Variants in UACA observed in about 807,000 individuals in gnomAD.
UACA encodes the protein uveal autoantigen with coiled-coil domains and ankyrin repeats.
Under a neutral mutation model 160.5 loss-of-function variants are expected in UACA, and 112 were observed. That is an observed-to-expected ratio of 0.70 (90% CI 0.60 to 0.82). The LOEUF is 0.82. Among genes scored for constraint, UACA ranks in the 40% least tolerant of loss-of-function variants. The pLI is 0.00. For missense variants in UACA, 1,574 were observed against 1,614.6 expected, an observed-to-expected ratio of 0.97 and a Z score of 0.43; for synonymous variants, 557 against 568.4, an observed-to-expected ratio of 0.98 and a Z score of 0.29.
rs1896980572 is a variant in UACA, at chr15:70,667,800, T to A, written c.2884A>T (p.Thr962Ser). 1 of 1,614,026 alleles carries A rather than the reference T, an allele frequency of 6.2e-7. No homozygotes were observed. The highest frequency in any genetic ancestry group is 1.1e-5 in the South Asian group (1 of 91,076). ...TGGGCTTTAATTTCGGCATGCAGTG[T>A]CACAATCTCTTCTTGGCCTTTTCTG... ...NYRKGQEEIVTLHAEIKAQKK... is the reference protein window; with the variant it reads ...NYRKGQEEIVSLHAEIKAQKK... The change falls in exon 16 of 19, where the codon ACA becomes TCA. Residue 962 changes from threonine to serine, a missense_variant. Transcript: ENST00000322954.
At chr15:70,663,387 AG>A (rs1301959849) in intron 17 of UACA, among the ~76,000 whole-genome samples, 1 of 152,172 alleles carries the variant, frequency 6.6e-6, no homozygotes, top group Non-Finnish European at 1.5e-5. Flanking sequence ...GTGGAGAAAT[AG>A]GAACACTTTT....
At chr15:70,687,040 A>C (rs1477050801) in intron 7 of UACA, among the ~76,000 whole-genome samples, 1 of 152,206 alleles carries the variant, frequency 6.6e-6, no homozygotes, top group East Asian at 1.9e-4. Flanking sequence ...GGTTCAGAGT[A>C]GGAGATGGCA....
At chr15:70,700,243 C>T (rs1024512776) in intron 1 of UACA, among the ~76,000 whole-genome samples, 1 of 149,230 alleles carries the variant, frequency 6.7e-6, no homozygotes, top group South Asian at 2.1e-4. Context: ...ACTACCCCCC[C>T]CCAACACAGA....
intron 1 of UACA, among the ~76,000 whole-genome samples, chr15:70,724,980 T>C (rs1323569490): frequency 6.6e-6 from 1 of 151,698 alleles, no homozygotes; most frequent in Admixed American, 6.6e-5. Context: ...TAGTCCTAGC[T>C]ACACCAGAGG....
At position 70,669,426 on chromosome 15, in the gene UACA, T is replaced by C; in HGVS notation, c.1258A>G (p.Arg420Gly). The C allele has an allele frequency of 6.2e-7, 1 of 1,607,822 alleles. No individual in the cohort carries two copies. The highest frequency in any genetic ancestry group is 8.5e-7 in the Non-Finnish European group (1 of 1,178,098). The stretch of plus-strand genomic sequence containing the variant: ...AGTTCCAGAGGTCTTAACATAGATC[T>C]GCTTTGCATATGGGCTGGTATACCT... ...SPGIPAHMQSRSMLRPLELSL... is the reference protein window; with the variant it reads ...SPGIPAHMQSGSMLRPLELSL... Residue 420 changes from arginine (R) to glycine (G), a missense_variant, in exon 16 of 19, where the codon AGA (arginine) becomes GGA (glycine). Arg to Gly is a moderately radical substitution (Grantham distance 125, BLOSUM62 -2). Transcript: ENST00000322954.
At chr15:70,722,811 C>T (rs61026337) in intron 1 of UACA, among the ~76,000 whole-genome samples, 2,365 of 152,286 alleles carry the variant, frequency 0.016, 54 homozygotes, top group African/African-American at 0.052. Flanking sequence ...CTCAATCTTT[C>T]TGGCTCCCTC....
intron 1 of UACA, among the ~76,000 whole-genome samples, chr15:70,727,246 G>A (rs1899172962): frequency 1.3e-5 from 2 of 152,060 alleles, no homozygotes; most frequent in South Asian, 4.1e-4. Flanking sequence ...CTCTTCCCTG[G>A]CATATTTTGG....
At chr15:70,726,485 T>G (rs1165887322) in intron 1 of UACA, among the ~76,000 whole-genome samples, 1 of 152,210 alleles carries the variant, frequency 6.6e-6, no homozygotes, top group Non-Finnish European at 1.5e-5. Context: ...AAAATACAGA[T>G]CTTAAAAATA....
chr15:70,684,235 A>G lies in UACA; in HGVS notation c.784+30T>C, dbSNP rs764769554. The G allele has an allele frequency of 2.1e-5, 33 of 1,559,834 alleles. No homozygotes were observed. In the East Asian group the frequency reaches 7.4e-4, roughly 35 times the overall value. On this transcript the variant is annotated intron_variant, in intron 8 of 18. Transcript: ENST00000322954. ...AAAAAGTGGCTCTTTGTTAATGTGG[A>G]CTTTTCTAGTTACAGAAAACTGCTG...
intron 13 of UACA, among the ~76,000 whole-genome samples, chr15:70,672,873 T>C (rs1046863454): frequency 9.2e-5 from 14 of 151,990 alleles, no homozygotes; most frequent in African/African-American, 2.7e-4. Flanking sequence ...GGCAGGTGGA[T>C]TGCCTGAGGT....
At chr15:70,728,501 T>C (rs1899215945) in intron 1 of UACA, among the ~76,000 whole-genome samples, 1 of 147,728 alleles carries the variant, frequency 6.8e-6, no homozygotes, top group Non-Finnish European at 1.5e-5. Context: ...AGGCGGAGGT[T>C]GCGGTGAGCC....
chr15:70,698,806 C>T (rs1311829909), intron 2 of UACA, among the ~76,000 whole-genome samples: 1 of 151,924 alleles, frequency 6.6e-6, no homozygotes, highest in African/African-American at 2.4e-5. Flanking sequence ...TATAGAGGGT[C>T]ATAACAGGGA....
chr15:70,728,002 C>T (rs547853755), intron 1 of UACA, among the ~76,000 whole-genome samples: 1 of 152,228 alleles, frequency 6.6e-6, no homozygotes, highest in South Asian at 2.1e-4. Context: ...ACCAAAACAG[C>T]ATTGATACTG....
intron 5 of UACA, among the ~76,000 whole-genome samples, chr15:70,688,875 G>T (rs1260444955): frequency 6.6e-6 from 1 of 152,048 alleles, no homozygotes; most frequent in Admixed American, 6.6e-5. Context: ...ATATTTGGAA[G>T]GCCAGAGAGT....
intron 1 of UACA, among the ~76,000 whole-genome samples, chr15:70,730,060 C>T (rs1899275934): frequency 2.6e-5 from 1 of 38,158 alleles, no homozygotes; most frequent in South Asian, 8.5e-4. Context: ...AACAGAAAAA[C>T]TGGAAACTCT....
At chr15:70,716,594 A>G (rs1185161891) in intron 1 of UACA, among the ~76,000 whole-genome samples, 1 of 152,218 alleles carries the variant, frequency 6.6e-6, no homozygotes, top group Non-Finnish European at 1.5e-5. Flanking sequence ...TTTTATAGAT[A>G]TAAGAGCAGC....
At chr15:70,688,545 C>A (rs1274646661) in intron 5 of UACA, among the ~76,000 whole-genome samples, 3 of 152,024 alleles carry the variant, frequency 2.0e-5, no homozygotes, top group African/African-American at 7.2e-5. Flanking sequence ...TAAATTTTCA[C>A]TTTTCGTCTC....
intron 1 of UACA, among the ~76,000 whole-genome samples, chr15:70,737,308 A>C (rs1899399605): frequency 6.6e-6 from 1 of 152,246 alleles, no homozygotes; most frequent in African/African-American, 2.4e-5. Flanking sequence ...GTGTACATTA[A>C]AGAATAAGAG....
In UACA at chr15:70,657,027, A is replaced by G; in HGVS notation, c.*29T>C. The G allele has an allele frequency of 1.2e-6, 2 of 1,603,376 alleles. No homozygotes were observed. The highest frequency in any genetic ancestry group is 1.7e-6 in the Non-Finnish European group (2 of 1,170,272). ...AAGAATGTTCAGCACCAGCAAGATA[A>G]AACAGATACTGGCAGTCAGTGCTAA... On this transcript the variant is annotated 3_prime_UTR_variant, in exon 19 of 19. Transcript: ENST00000322954.
Sources: gnomAD v4.1 joint callset for allele counts (sites outside exome capture counted in the v4.1 genomes callset) on GRCh38, gnomAD v4.1.1 for gene constraint, MANE v1.5 for transcripts, NCBI Gene and HGNC (gene_info 2026-07-23, HGNC 2026-07-21) for gene names.